BABAM2: variants seen among roughly 807,000 people sequenced by gnomAD.
BABAM2 encodes the protein BRISC and BRCA1-A complex member 2.
In BABAM2, 31 loss-of-function variants were observed where a neutral mutation model predicts 54.7. The ratio of observed to expected loss-of-function variants is 0.57; its 90% CI spans 0.43 to 0.77. The LOEUF (loss-of-function observed/expected upper bound fraction) is 0.77. Ranked by LOEUF, BABAM2 falls within the 30% of genes least tolerant of loss-of-function variation. BABAM2 has a pLI of 0.00. For missense variants in BABAM2, 364 were observed against 455.8 expected (o/e 0.80, Z 1.83); for synonymous variants, 167 against 162.9 (o/e 1.03, Z -0.19).
intron 3 of BABAM2, among the ~76,000 whole-genome samples, chr2:27,944,915 C>G (rs1283650984): frequency 6.6e-6 from 1 of 151,102 alleles, no homozygotes; most frequent in Non-Finnish European, 1.5e-5. Flanking sequence ...TTTCTATATT[C>G]TTGCCAGTAT....
At chr2:28,289,557 G>A (rs1158507860) in intron 10 of BABAM2, among the ~76,000 whole-genome samples, 1 of 152,218 alleles carries the variant, frequency 6.6e-6, no homozygotes, top group African/African-American at 2.4e-5. Flanking sequence ...GGGAGGCCAA[G>A]GCGGGCAGAT....
At chr2:27,893,000 C>G (rs1249527329) in intron 1 of BABAM2, among the ~76,000 whole-genome samples, 3 of 152,182 alleles carry the variant, frequency 2.0e-5, no homozygotes, top group African/African-American at 7.2e-5. Context: ...TTATTACTTA[C>G]TATCTGAAAT....
chr2:28,055,471 C>T (rs564497957), intron 6 of BABAM2, among the ~76,000 whole-genome samples: 7 of 152,264 alleles, frequency 4.6e-5, no homozygotes, highest in Non-Finnish European at 1.0e-4. Flanking sequence ...ATGTTTACTA[C>T]TTAATTTTTC....
chr2:28,261,706 G>A (rs889132583), intron 10 of BABAM2, among the ~76,000 whole-genome samples: 17 of 151,796 alleles, frequency 1.1e-4, no homozygotes, highest in Non-Finnish European at 1.9e-4. Flanking sequence ...TTCCTTTCCA[G>A]TGTGAGTTTT....
chr2:27,915,367 T>C (rs911686887), intron 2 of BABAM2, among the ~76,000 whole-genome samples: 5 of 152,116 alleles, frequency 3.3e-5, no homozygotes, highest in Admixed American at 1.3e-4. Context: ...CTAAATACTT[T>C]ATTTATGTGC....
intron 3 of BABAM2, among the ~76,000 whole-genome samples, chr2:27,951,544 T>G (rs1296849106): frequency 1.3e-5 from 2 of 152,170 alleles, no homozygotes; most frequent in Admixed American, 6.5e-5. Flanking sequence ...GGATATAGAT[T>G]ATTTTAGTAC....
chr2:28,270,951 T>C (rs957133449), intron 10 of BABAM2, among the ~76,000 whole-genome samples: 1 of 152,210 alleles, frequency 6.6e-6, no homozygotes, highest in Non-Finnish European at 1.5e-5. Flanking sequence ...ACTGATATGA[T>C]CTTGCCCTCT....
intron 6 of BABAM2, among the ~76,000 whole-genome samples, chr2:28,060,550 T>C (rs1678776100): frequency 6.6e-6 from 1 of 152,168 alleles, no homozygotes; most frequent in Non-Finnish European, 1.5e-5. Context: ...GAAGTAAAAC[T>C]ATCTTTTCAC....
chr2:27,892,706 A>G (rs1460289966), intron 1 of BABAM2, among the ~76,000 whole-genome samples: 2 of 152,202 alleles, frequency 1.3e-5, no homozygotes, highest in East Asian at 3.8e-4. Flanking sequence ...AGTAATATAT[A>G]TGGACGCTCC....
chr2:28,294,313 G>A (rs1687513164), intron 10 of BABAM2, among the ~76,000 whole-genome samples: 1 of 151,850 alleles, frequency 6.6e-6, no homozygotes, highest in Non-Finnish European at 1.5e-5. Flanking sequence ...CTGGGAGGTG[G>A]AGGTTGCAGT....
chr2:28,290,560 G>A (rs2148220829), intron 10 of BABAM2, among the ~76,000 whole-genome samples: 1 of 152,138 alleles, frequency 6.6e-6, no homozygotes, highest in East Asian at 1.9e-4. Flanking sequence ...AGCCTTTACT[G>A]AGTGTTTCTC....
At chr2:28,180,523 CGT>C (rs1675506618) in intron 7 of BABAM2, among the ~76,000 whole-genome samples, 1 of 151,952 alleles carries the variant, frequency 6.6e-6, no homozygotes, top group African/African-American at 2.4e-5. Flanking sequence ...TAGAAGAAAA[CGT>C]AGAGCAAATG....
At chr2:27,942,824 A>C (rs564763452) in intron 3 of BABAM2, among the ~76,000 whole-genome samples, 186 of 150,578 alleles carry the variant, frequency 1.2e-3, no homozygotes, top group Non-Finnish European at 2.2e-3. Flanking sequence ...TTATTTATTT[A>C]TTTATTAAGA....
intron 7 of BABAM2, among the ~76,000 whole-genome samples, chr2:28,162,938 C>G (rs1673244885): frequency 6.6e-6 from 1 of 152,204 alleles, no homozygotes; most frequent in Non-Finnish European, 1.5e-5. Context: ...GTTTTTTTCC[C>G]CCTTTCAGAT....
intron 4 of BABAM2, among the ~76,000 whole-genome samples, chr2:28,021,336 T>C (rs1316541225): frequency 2.0e-5 from 3 of 152,178 alleles, no homozygotes; most frequent in Admixed American, 6.5e-5. Context: ...CCATGGGTCA[T>C]GTGGAGGAAC....
intron 6 of BABAM2, among the ~76,000 whole-genome samples, chr2:28,128,420 T>A (rs1001484980): frequency 1.3e-5 from 2 of 152,228 alleles, no homozygotes; most frequent in Non-Finnish European, 2.9e-5. Context: ...TATTCAGAAG[T>A]CTGGCAGACA....
intron 7 of BABAM2, among the ~76,000 whole-genome samples, chr2:28,157,767 A>G (rs780024240): frequency 6.6e-6 from 1 of 152,044 alleles, no homozygotes; most frequent in Non-Finnish European, 1.5e-5. Context: ...ATGCGCCACC[A>G]TGCCCAGCTA....
intron 6 of BABAM2, among the ~76,000 whole-genome samples, chr2:28,065,660 A>G (rs1663458661): frequency 6.6e-6 from 1 of 152,222 alleles, no homozygotes; most frequent in South Asian, 2.1e-4. Context: ...ATTTTGCAAT[A>G]AAAACATAAT....
intron 10 of BABAM2, among the ~76,000 whole-genome samples, chr2:28,279,263 C>A (rs556226424): frequency 4.6e-4 from 70 of 152,230 alleles, no homozygotes; most frequent in African/African-American, 1.6e-3. Context: ...GGAGGTGAAG[C>A]CTAGAGTTAC....
Sources: allele counts gnomAD v4.1 joint callset (sites outside exome capture counted in the v4.1 genomes callset), GRCh38; gene constraint gnomAD v4.1.1; transcripts MANE v1.5; gene names NCBI Gene and HGNC (gene_info 2026-07-23, HGNC 2026-07-21).